KNL1: variants seen among roughly 807,000 people sequenced by gnomAD.
KNL1 encodes outer kinetochore KNL1 complex subunit KNL1.
KNL1 carries 66 observed loss-of-function variants against 201.3 expected under a neutral mutation model. The ratio of observed to expected loss-of-function variants is 0.33; its 90% CI spans 0.27 to 0.40. The LOEUF is 0.40. Ranked by LOEUF, KNL1 falls within the 10% of genes least tolerant of loss-of-function variation. The pLI is 1.00. For synonymous variants in KNL1, 895 were observed against 899.2 expected (o/e 1.00, Z 0.08); for missense variants, 2,815 against 2,690.5 (o/e 1.05, Z -1.02).
chr15:40,602,364 C>CTT, intron 1 of KNL1, among the ~76,000 whole-genome samples: 1 of 150,168 alleles, frequency 6.7e-6, no homozygotes, highest in Middle Eastern at 3.5e-3. Flanking sequence ...TCTCGATCTC[C>CTT]TGACCTTGTG....
chr15:40,619,548 C>T (rs1892449015), intron 9 of KNL1, among the ~76,000 whole-genome samples: 1 of 151,110 alleles, frequency 6.6e-6, no homozygotes, highest in Non-Finnish European at 1.5e-5. Context: ...ACTACAGGTG[C>T]ATGCCACCAT....
In KNL1 at chr15:40,622,892, G is replaced by A. The variant is rs745524891; in HGVS notation, c.2628G>A (p.Lys876=). The A allele has an allele frequency of 7.4e-6, 12 of 1,612,344 alleles. No individual in the cohort carries two copies. Among genetic ancestry groups the A allele is most frequent in the Non-Finnish European group, 1.0e-5 (12 of 1,179,000 alleles). ...ATAAGAATGATATGGATATCACTAA[G>A]AGTTATACAATAGAAATAAACCATA... The part of the protein sequence containing the change: ...EDDKNDMDIT[K]SYTIEINHRP... The change falls in exon 10 of 26, where the codon AAG becomes AAA. Residue 876 remains lysine (K), a synonymous_variant. Transcript: ENST00000399668.
chr15:40,618,888 G>C, intron 8 of KNL1, 71 bp from the exon 9 acceptor site: 1 of 916,810 alleles, frequency 1.1e-6, no homozygotes, highest in South Asian at 1.6e-5. Context: ...AACTGATGAA[G>C]AACCTAAGAA....
At chr15:40,653,598 C>G (rs1893635497) in intron 21 of KNL1, among the ~76,000 whole-genome samples, 1 of 152,096 alleles carries the variant, frequency 6.6e-6, no homozygotes. Flanking sequence ...CTTTATGGAT[C>G]TTCTCCTCCT....
chr15:40,595,954 G>A (rs1350562082), intron 1 of KNL1, among the ~76,000 whole-genome samples: 6 of 152,136 alleles, frequency 3.9e-5, no homozygotes, highest in Non-Finnish European at 8.8e-5. Flanking sequence ...GGCTTTGCAG[G>A]CTACATGGTC....
In KNL1 at chr15:40,663,796, A is replaced by AT. The variant is rs1201924365; in HGVS notation, c.*1611dup. 5.2e-6 allele frequency: 1 copy of AT among 191,836 alleles called. No individual in the cohort carries two copies. The highest frequency in any genetic ancestry group is 2.3e-5 in the African/African-American group (1 of 43,060). 11.9% of individuals were successfully genotyped at this position (191,836 alleles called of 1,614,324 possible). The stretch of plus-strand genomic sequence containing the variant: ...TATATTTAATTATAAACCAAAATAC[A>AT]TTTGCATTTTTAAGCTAATTTGTCT... On this transcript the variant is annotated 3_prime_UTR_variant, in exon 26 of 26. Transcript: ENST00000399668.
rs966926859 is a variant in KNL1, at chr15:40,625,160, C to A, written c.4896C>A (p.Thr1632=). ...ENKKSHNGAE[T]TSLPPKTVFK... ...AAAAGTCTCATAATGGAGCTGAAACCACCTCTCTACCGCCAAAGACAGTTT... is the reference window on the plus strand; with the variant it reads ...AAAAGTCTCATAATGGAGCTGAAACAACCTCTCTACCGCCAAAGACAGTTT... The change falls in exon 10 of 26, where the codon ACC becomes ACA. Residue 1632 remains threonine, a synonymous_variant. Transcript: ENST00000399668. 1.9e-6 allele frequency: 3 copies of A among 1,613,950 alleles called. No individual in the cohort carries two copies. In the East Asian group the frequency reaches 6.7e-5, roughly 36 times the overall value.
chr15:40,605,051 C>A (rs1891928656), intron 2 of KNL1, 59 bp from the exon 3 acceptor site: 1 of 878,502 alleles, frequency 1.1e-6, no homozygotes, highest in Non-Finnish European at 1.9e-6. Context: ...TGTGATGATG[C>A]CTTTTGTGAA....
rs900884412 is a variant in KNL1, at chr15:40,603,064, C to T, written c.35+98C>T. 8 of 761,584 alleles carry T rather than the reference C, an allele frequency of 1.1e-5. No homozygotes were observed. In the African/African-American group the frequency reaches 1.5e-4, roughly 14 times the overall value. 47.2% of individuals were successfully genotyped at this position (761,584 alleles called of 1,614,324 possible). A position where few individuals can be genotyped will look rare whatever the true frequency, so the allele number is the denominator to read the frequency against. Reference sequence around the variant, plus strand: ...ATCCATAACTTCTGAGATCTTTTTCCATTGTGTTCCAAGAAAAAGTAGTAG... The same window carrying T: ...ATCCATAACTTCTGAGATCTTTTTCTATTGTGTTCCAAGAAAAAGTAGTAG... On this transcript the variant is annotated intron_variant, in intron 2 of 25. Transcript: ENST00000399668.
intron 10 of KNL1, among the ~76,000 whole-genome samples, chr15:40,627,015 C>T (rs2071212200): frequency 6.6e-6 from 1 of 152,154 alleles, no homozygotes; most frequent in South Asian, 2.1e-4. Context: ...CTGCCTTGGC[C>T]TCCTGAGTAG....
At chr15:40,650,655 GA>G in intron 19 of KNL1, 72 bp downstream of exon 19, 1 of 1,334,210 alleles carries the variant, frequency 7.5e-7, no homozygotes, top group Non-Finnish European at 1.0e-6. Context: ...CCTGCCTCCA[GA>G]GACTGACAGG....
rs547231158 is a variant in KNL1 at position 40,644,214 on chromosome 15, T to G, written c.5799-783T>G. On this transcript the variant is annotated intron_variant, in intron 14 of 25. Coordinates refer to ENST00000399668, the MANE Select transcript of KNL1 (RefSeq NM_144508.5). Reference sequence around the variant, plus strand: ...AATAAGGACAAAAACATGTAAGCAATAGAATCTACGTCATAGTTAAGTTTA... The same window carrying G: ...AATAAGGACAAAAACATGTAAGCAAGAGAATCTACGTCATAGTTAAGTTTA... Among the ~76,000 whole-genome samples the G allele has an allele frequency of 5.3e-5, 8 of 152,288 alleles. No homozygotes were observed. In the South Asian group the frequency reaches 1.7e-3, roughly 32 times the overall value.
At chr15:40,609,288 A>C (rs1454970514) in intron 5 of KNL1, among the ~76,000 whole-genome samples, 4 of 151,374 alleles carry the variant, frequency 2.6e-5, no homozygotes, top group African/African-American at 9.7e-5. Flanking sequence ...GATACCCTGC[A>C]CCTGTAGTCC....
At chr15:40,655,105 C>T (rs990161693) in intron 22 of KNL1, 128 bp downstream of exon 22, 30 of 648,158 alleles carry the variant, frequency 4.6e-5, no homozygotes, top group Non-Finnish European at 7.0e-5. Context: ...TGAGACCAGC[C>T]TGACTAACAT....
chr15:40,614,089 C>T (rs552780619), intron 7 of KNL1, among the ~76,000 whole-genome samples: 18 of 145,666 alleles, frequency 1.2e-4, no homozygotes, highest in South Asian at 1.1e-3. Flanking sequence ...TGAGCCACCA[C>T]GCCTGGCCCC....
At chr15:40,652,913 T>C (rs1349440342) in intron 21 of KNL1, among the ~76,000 whole-genome samples, 1 of 152,160 alleles carries the variant, frequency 6.6e-6, no homozygotes, top group Admixed American at 6.5e-5. Context: ...TTGTTGGAGT[T>C]TACTAGTTGT....
intron 22 of KNL1, among the ~76,000 whole-genome samples, chr15:40,656,031 TA>T (rs1406261931): frequency 1.3e-5 from 2 of 152,216 alleles, no homozygotes; most frequent in Non-Finnish European, 2.9e-5. Context: ...GTGTATTACT[TA>T]AATTAACACT....
Position 40,625,211 on chromosome 15 carries a change from T to C in KNL1, c.4947T>C (p.Ser1649=), listed in dbSNP as rs554616028. ...TVFKDKVRRC[S]LGIFLPRLPN... ...TTAAAGATAAAGTAAGGAGATGTTC[T>C]TTGGGAATCTTTTTGCCTAGATTGC... is the stretch of plus-strand genomic sequence containing the variant. The change falls in exon 10 of 26, where the codon TCT becomes TCC. Residue 1649 remains serine (S), a synonymous_variant. Coordinates refer to ENST00000399668, the MANE Select transcript of KNL1 (RefSeq NM_144508.5). The C allele has an allele frequency of 6.2e-7, 1 of 1,614,024 alleles. No individual in the cohort carries two copies. Among genetic ancestry groups the C allele is most frequent in the South Asian group, 1.1e-5 (1 of 91,062 alleles).
At chr15:40,603,846 A>G (rs1199712455) in intron 2 of KNL1, among the ~76,000 whole-genome samples, 1 of 152,188 alleles carries the variant, frequency 6.6e-6, no homozygotes, top group Non-Finnish European at 1.5e-5. Flanking sequence ...CCCATTTTTA[A>G]TTATATGCAA....
Sources: allele counts gnomAD v4.1 joint callset (sites outside exome capture counted in the v4.1 genomes callset), GRCh38; gene constraint gnomAD v4.1.1; transcripts MANE v1.5; gene names NCBI Gene and HGNC (gene_info 2026-07-23, HGNC 2026-07-21).